PLCG2: variants seen among roughly 807,000 people sequenced by gnomAD.
The protein encoded by PLCG2 is 1-phosphatidylinositol 4,5-bisphosphate phosphodiesterase gamma-2.
Under a neutral mutation model 175.6 loss-of-function variants are expected in PLCG2, and 69 were observed. That is an observed-to-expected ratio of 0.39 (90% confidence interval 0.32 to 0.48). The LOEUF is 0.48. Among genes scored for constraint, PLCG2 ranks in the 20% least tolerant of loss-of-function variants. The pLI is 0.91. For missense variants in PLCG2, 1,798 were observed against 1,650.9 expected, an observed-to-expected ratio of 1.09 and a Z score of -1.54; for synonymous variants, 827 against 624.0, an observed-to-expected ratio of 1.33 and a Z score of -4.85.
intron 13 of PLCG2, among the ~76,000 whole-genome samples, chr16:81,897,615 G>A (rs1908954987): frequency 6.8e-6 from 1 of 146,042 alleles, no homozygotes; most frequent in South Asian, 2.1e-4. Flanking sequence ...GCAGGATCTC[G>A]GCTCACTGCA....
chr16:81,749,369 G>T (rs1567692590), intron 1 of PLCG2, among the ~76,000 whole-genome samples: 2 of 150,978 alleles, frequency 1.3e-5, no homozygotes. Flanking sequence ...ATTTTTTTGC[G>T]ATGGAGTCTC....
intron 24 of PLCG2, among the ~76,000 whole-genome samples, chr16:81,930,352 C>A (rs530397713): frequency 1.3e-5 from 2 of 152,152 alleles, no homozygotes; most frequent in African/African-American, 4.8e-5. Context: ...ACATTTCTCT[C>A]CTAGTTTCTG....
intron 2 of PLCG2, among the ~76,000 whole-genome samples, chr16:81,851,226 A>G (rs1341837863): frequency 1.3e-5 from 2 of 152,254 alleles, no homozygotes; most frequent in Admixed American, 1.3e-4. Flanking sequence ...AAAATAGTAC[A>G]GTTTCTGTGA....
At chr16:81,927,650 G>A (rs910274562) in intron 23 of PLCG2, among the ~76,000 whole-genome samples, 5 of 152,154 alleles carry the variant, frequency 3.3e-5, no homozygotes, top group South Asian at 2.1e-4. Context: ...CACTTTCAGC[G>A]TGCTAGCACT....
At chr16:81,757,329 G>C (rs1345867130) in intron 2 of PLCG2, among the ~76,000 whole-genome samples, 2 of 152,112 alleles carry the variant, frequency 1.3e-5, no homozygotes, top group East Asian at 1.9e-4. Flanking sequence ...AAAAACAAAA[G>C]AGTAAAAGCC....
intron 8 of PLCG2, among the ~76,000 whole-genome samples, chr16:81,882,322 T>C (rs764585704): frequency 3.3e-5 from 5 of 152,260 alleles, no homozygotes; most frequent in Non-Finnish European, 7.3e-5. Flanking sequence ...GTTCCCTACC[T>C]GATACCTAAC....
chr16:81,771,574 C>T (rs1484094488), intron 2 of PLCG2, among the ~76,000 whole-genome samples: 1 of 152,080 alleles, frequency 6.6e-6, no homozygotes, highest in Non-Finnish European at 1.5e-5. Flanking sequence ...TCTTGCCATT[C>T]TGTGATAGTA....
At chr16:81,739,187 C>G (rs1342234282) in exon 1 of PLCG2, 3 of 152,278 alleles carry the variant, frequency 2.0e-5, no homozygotes, top group East Asian at 1.9e-4. Context: ...GCTGTTGAGA[C>G]CAGAGAAGCT....
chr16:81,954,559 C>G (rs1166141150), intron 31 of PLCG2, among the ~76,000 whole-genome samples: 1 of 152,188 alleles, frequency 6.6e-6, no homozygotes, highest in East Asian at 1.9e-4. Flanking sequence ...TTGTTCAACT[C>G]CCACTTATGA....
chr16:81,810,722 T>C (rs997044040), intron 2 of PLCG2, among the ~76,000 whole-genome samples: 1 of 152,108 alleles, frequency 6.6e-6, no homozygotes, highest in Non-Finnish European at 1.5e-5. Context: ...AATTCATTCT[T>C]CCTGTTATTG....
Position 81,858,428 on chromosome 16 carries a change from C to T in PLCG2, c.431+72C>T, listed in dbSNP as rs868599988. 3.0e-6 allele frequency: 3 copies of T among 1,012,994 alleles called. 1 individual carries two copies. The Middle Eastern group carries it at 6.2e-4, about 209-fold the overall frequency. 62.8% of individuals were successfully genotyped at this position (1,012,994 alleles called of 1,614,324 possible). On this transcript the variant is annotated intron_variant, in intron 4 of 32. Transcript: ENST00000564138. ...TTCTGCTGCCTTTAGCCAACATGGG[C>T]TACAGGGGGGAAAAAAAAAAAAAGG...
At chr16:81,900,844 G>C in intron 14 of PLCG2, 64 bp downstream of exon 14, 3 of 1,478,308 alleles carry the variant, frequency 2.0e-6, no homozygotes, top group Non-Finnish European at 1.9e-6. Context: ...CCCCGGCTCT[G>C]GGTCCCGTTC....
At chr16:81,832,928 T>C (rs1362391788) in intron 2 of PLCG2, among the ~76,000 whole-genome samples, 2 of 152,234 alleles carry the variant, frequency 1.3e-5, no homozygotes, top group Admixed American at 1.3e-4. Context: ...GGTCAGCCGA[T>C]ACTTGAAGGC....
chr16:81,776,059 A>G (rs1910392430), upstream of PLCG2, among the ~76,000 whole-genome samples: 1 of 76,418 alleles, frequency 1.3e-5, no homozygotes, highest in Non-Finnish European at 3.0e-5. Context: ...GTCTGAACCC[A>G]CAGAGTGGTT....
At chr16:81,943,184 G>A (rs1008816584) in intron 30 of PLCG2, among the ~76,000 whole-genome samples, 4 of 152,202 alleles carry the variant, frequency 2.6e-5, no homozygotes, top group African/African-American at 9.6e-5. Context: ...CAGCTAGACT[G>A]TATTAGTCCG....
At chr16:81,770,824 C>A (rs868748417) in intron 2 of PLCG2, among the ~76,000 whole-genome samples, 5 of 152,146 alleles carry the variant, frequency 3.3e-5, no homozygotes, top group Middle Eastern at 6.8e-3. Context: ...TTTGCGGGGC[C>A]GAGGCGGGCG....
At position 81,825,686 on chromosome 16, in the gene PLCG2, A is replaced by G. The variant is rs1001653443; in HGVS notation, c.194-28758A>G. On this transcript the variant is annotated intron_variant, in intron 2 of 32. Coordinates refer to ENST00000564138, the MANE Select transcript of PLCG2 (RefSeq NM_002661.5). Reference sequence around the variant, plus strand: ...AACTTTAATGGCAAAAATTGTGACAACTTTTGCACTCATCTAATAGGAAAC... The same window carrying G: ...AACTTTAATGGCAAAAATTGTGACAGCTTTTGCACTCATCTAATAGGAAAC... Among the ~76,000 whole-genome samples the G allele has an allele frequency of 2.6e-5, 4 of 152,332 alleles. No individual in the cohort carries two copies. In the East Asian group the frequency reaches 5.8e-4, roughly 22 times the overall value.
intron 8 of PLCG2, among the ~76,000 whole-genome samples, chr16:81,882,936 C>A (rs181382731): frequency 6.7e-6 from 1 of 149,522 alleles, no homozygotes. Context: ...TACACTGTAT[C>A]CCATATGCCT....
At chr16:81,921,553 A>G (rs1910062640) in intron 21 of PLCG2, 1 of 434,626 alleles carries the variant, frequency 2.3e-6, no homozygotes, top group Non-Finnish European at 4.3e-6. Flanking sequence ...AAGTCTTTCA[A>G]ATGTTTTTGG....
Sources: allele counts gnomAD v4.1 joint callset (sites outside exome capture counted in the v4.1 genomes callset), GRCh38; gene constraint gnomAD v4.1.1; transcripts MANE v1.5; gene names NCBI Gene and HGNC (gene_info 2026-07-23, HGNC 2026-07-21).